PHTF2: variants seen among roughly 807,000 people sequenced by gnomAD.
PHTF2 encodes protein PHTF2.
PHTF2 carries 60 observed loss-of-function variants against 101.2 expected under a neutral mutation model. That is an observed-to-expected ratio of 0.59 (90% CI 0.48 to 0.73). PHTF2 has a LOEUF of 0.73. Among genes scored for constraint, PHTF2 ranks in the 30% least tolerant of loss-of-function variants. The pLI, the probability that PHTF2 is intolerant of heterozygous loss-of-function variation, is 0.00. For missense variants in PHTF2, 747 were observed against 908.7 expected, an observed-to-expected ratio of 0.82 and a Z score of 2.29; for synonymous variants, 311 against 307.3, an observed-to-expected ratio of 1.01 and a Z score of -0.13.
At chr7:77,810,834 A>G (rs1793383317) in intron 1 of PHTF2, among the ~76,000 whole-genome samples, 1 of 152,026 alleles carries the variant, frequency 6.6e-6, no homozygotes, top group Admixed American at 6.5e-5. Context: ...CACCCCACCC[A>G]GCTGAATGAC....
Position 77,944,549 on chromosome 7 carries a change from C to A in PHTF2, c.1959+1763C>A, listed in dbSNP as rs76627488. On this transcript the variant is annotated intron_variant, in intron 16 of 19. Transcript: ENST00000416283. ...AAAAGTGGTCCTAGGCCCCTGGATA[C>A]CTGACAGAAGCAAAACCAAGGCTGT... Among the ~76,000 whole-genome samples the A allele has an allele frequency of 4.7e-3, 714 of 152,300 alleles. 9 individuals are homozygous for A. The highest frequency in any genetic ancestry group is 0.016 in the African/African-American group (670 of 41,562).
At chr7:77,912,211 G>A (rs1238684649) in intron 9 of PHTF2, among the ~76,000 whole-genome samples, 2 of 152,156 alleles carry the variant, frequency 1.3e-5, no homozygotes, top group African/African-American at 2.4e-5. Flanking sequence ...TTATAGTGGC[G>A]AACTCACTCT....
intron 2 of PHTF2, among the ~76,000 whole-genome samples, chr7:77,854,569 C>A (rs963783236): frequency 2.0e-5 from 3 of 152,138 alleles, no homozygotes; most frequent in Non-Finnish European, 4.4e-5. Context: ...CCCCGTACCC[C>A]CCAACCCCAG....
intron 3 of PHTF2, among the ~76,000 whole-genome samples, chr7:77,890,826 C>T (rs1185240576): frequency 1.3e-5 from 2 of 150,638 alleles, no homozygotes; most frequent in Non-Finnish European, 3.0e-5. Flanking sequence ...AGGATGGTCT[C>T]GATCTCCTGA....
chr7:77,929,257 A>G, exon 12 of PHTF2: 1 of 1,610,718 alleles, frequency 6.2e-7, no homozygotes. Context: ...TGTACCAGTG[A>G]GACAGATGTG....
intron 11 of PHTF2, among the ~76,000 whole-genome samples, chr7:77,925,505 T>G (rs1176555243): frequency 1.5e-4 from 18 of 119,156 alleles, no homozygotes; most frequent in African/African-American, 5.3e-4. Context: ...GTTTTTTTTT[T>G]TTTTTTTTTT....
chr7:77,832,719 C>T (rs1246030005), intron 1 of PHTF2, among the ~76,000 whole-genome samples: 1 of 151,748 alleles, frequency 6.6e-6, no homozygotes, highest in Non-Finnish European at 1.5e-5. Context: ...TTCCATCATC[C>T]CCAGATGGGA....
At chr7:77,854,818 T>A (rs1430352614) in exon 3 of PHTF2, 1 of 759,164 alleles carries the variant, frequency 1.3e-6, no homozygotes, top group Admixed American at 1.7e-5. Flanking sequence ...GACCAAGGGC[T>A]CTTCATTCAG....
chr7:77,955,527 A>T (rs1022395430), exon 20 of PHTF2: 4 of 152,572 alleles, frequency 2.6e-5, no homozygotes, highest in Non-Finnish European at 5.9e-5. Flanking sequence ...ATTAACTAGT[A>T]ATACTTGTAT....
At position 77,924,288 on chromosome 7, in the gene PHTF2, C is replaced by A. The variant is rs568696018; in HGVS notation, c.1119+1510C>A. ...TAATGTTTTTTCTTTAAGAGTGAGG[C>A]ATGAAAAAATCATTTGGACCCACTC... On this transcript the variant is annotated intron_variant, in intron 11 of 19. Coordinates refer to ENST00000416283, the Ensembl canonical transcript of PHTF2. 5.0e-4 allele frequency: 143 copies of A among 285,348 alleles called. 2 individuals are homozygous for A. The highest frequency in any genetic ancestry group is 3.1e-3 in the African/African-American group (138 of 43,848). 17.7% of individuals were successfully genotyped at this position (285,348 alleles called of 1,614,324 possible). A position where few individuals can be genotyped will look rare whatever the true frequency, so the allele number is the denominator to read the frequency against.
intron 3 of PHTF2, among the ~76,000 whole-genome samples, chr7:77,861,647 G>A (rs894950127): frequency 2.6e-5 from 4 of 152,184 alleles, no homozygotes; most frequent in Admixed American, 1.3e-4. Flanking sequence ...AATAGGCCAG[G>A]CACAGTGGCT....
chr7:77,939,331 T>C (rs1255314337), intron 13 of PHTF2, among the ~76,000 whole-genome samples: 1 of 152,090 alleles, frequency 6.6e-6, no homozygotes, highest in Non-Finnish European at 1.5e-5. Flanking sequence ...AGCGGCTGGG[T>C]GTGTTGGCTT....
intron 2 of PHTF2, among the ~76,000 whole-genome samples, chr7:77,840,953 G>A (rs992110805): frequency 6.6e-6 from 1 of 151,050 alleles, no homozygotes; most frequent in Non-Finnish European, 1.5e-5. Context: ...GATCTTTTGT[G>A]TACATAGTGG....
At position 77,892,058 on chromosome 7, in the gene PHTF2, A is replaced by G. The variant is rs555383319; in HGVS notation, c.148-1550A>G. 2.0e-5 allele frequency among the ~76,000 whole-genome samples: 3 copies of G among 152,336 alleles called. No individual in the cohort carries two copies. The South Asian group carries it at 6.2e-4, about 32-fold the overall frequency. On this transcript the variant is annotated intron_variant, in intron 3 of 19. Transcript: ENST00000416283. ...TATGGGAGGCTGAGGTGGGTGGATCACGAGGTCAGGAGATCGAGACCATCC... is the reference window on the plus strand; with the variant it reads ...TATGGGAGGCTGAGGTGGGTGGATCGCGAGGTCAGGAGATCGAGACCATCC...
intron 3 of PHTF2, among the ~76,000 whole-genome samples, chr7:77,869,925 A>G (rs1193686247): frequency 2.0e-5 from 3 of 151,910 alleles, no homozygotes; most frequent in Non-Finnish European, 2.9e-5. Flanking sequence ...TTACCCATAT[A>G]TTTGAATTGG....
intron 3 of PHTF2, among the ~76,000 whole-genome samples, chr7:77,886,259 CA>C (rs1304638368): frequency 2.0e-5 from 3 of 152,134 alleles, no homozygotes; most frequent in African/African-American, 7.2e-5. Context: ...AATTGTTTTT[CA>C]AAGATACTTC....
At chr7:77,802,092 T>G (rs1792605432) in intron 1 of PHTF2, among the ~76,000 whole-genome samples, 2 of 152,114 alleles carry the variant, frequency 1.3e-5, no homozygotes, top group Non-Finnish European at 2.9e-5. Flanking sequence ...GAAGGTGGTG[T>G]TTGTAGGTGG....
At chr7:77,853,382 AT>A (rs1562876738) in intron 2 of PHTF2, among the ~76,000 whole-genome samples, 2 of 147,788 alleles carry the variant, frequency 1.4e-5, no homozygotes, top group Non-Finnish European at 3.0e-5. Context: ...TGTCAGTTGA[AT>A]TTTTCAGCTC....
chr7:77,925,206 A>G (rs761509340), intron 11 of PHTF2, among the ~76,000 whole-genome samples: 5 of 152,124 alleles, frequency 3.3e-5, no homozygotes, highest in Admixed American at 6.5e-5. Context: ...TTTTAAAACA[A>G]TTTTCCTTCC....
Sources: allele counts gnomAD v4.1 joint callset (sites outside exome capture counted in the v4.1 genomes callset), GRCh38; gene constraint gnomAD v4.1.1; transcripts MANE v1.5; gene names NCBI Gene and HGNC (gene_info 2026-07-23, HGNC 2026-07-21).